Variants in GPM6B observed in about 807,000 individuals in gnomAD.
GPM6B encodes the protein neuronal membrane glycoprotein M6-b.
Under a neutral mutation model 27.2 loss-of-function variants are expected in GPM6B, and 4 were observed. That is an observed-to-expected ratio of 0.15 (90% CI 0.07 to 0.34). The LOEUF (loss-of-function observed/expected upper bound fraction) is 0.34, where lower values mean the gene tolerates loss of function less well. GPM6B is among the 10% of genes least tolerant of loss of function. The pLI is 1.00. For synonymous variants in GPM6B, 124 were observed against 103.1 expected (o/e 1.20, Z -1.23); for missense variants, 183 against 261.9 (o/e 0.70, Z 2.08).
chrX:13,852,892 C>T (rs1399023240), intron 1 of GPM6B, among the ~76,000 whole-genome samples: 4 of 108,984 alleles, frequency 3.7e-5, no homozygotes, highest in Non-Finnish European at 7.6e-5. Flanking sequence ...GTGATCCTCC[C>T]GCCTCAGCCT....
Position 13,777,400 on chromosome X carries a change from G to A in GPM6B, c.723C>T (p.Pro241=), listed in dbSNP as rs141687297. 6.5e-5 allele frequency: 78 copies of A among 1,199,891 alleles called. No homozygotes were observed. Among genetic ancestry groups the A allele is most frequent in the African/African-American group, 1.9e-4 (11 of 56,885 alleles). The change falls in exon 6 of 8, where the codon CCC becomes CCT. Residue 241 remains proline (P), a synonymous_variant. Transcript: ENST00000316715. Reference sequence around the variant, plus strand: ...CCAGGGCAGAGCCACATATTTTTCCGGGGAAAGCATTCCAAGGAATGATAC... The same window carrying A: ...CCAGGGCAGAGCCACATATTTTTCCAGGGAAAGCATTCCAAGGAATGATAC... ...QYGIIPWNAF[P]GKICGSALEN... is the part of the protein sequence containing the mutation.
intron 7 of GPM6B, chrX:13,773,310 CTT>C (rs11305581): frequency 0.027 from 3,454 of 129,629 alleles, no homozygotes; most frequent in East Asian, 0.084. Context: ...CGAGAGGGTG[CTT>C]TTTTTTTTTT....
intron 1 of GPM6B, among the ~76,000 whole-genome samples, chrX:13,863,702 A>C (rs1478233859): frequency 8.9e-6 from 1 of 112,186 alleles, no homozygotes; most frequent in Admixed American, 9.5e-5. Flanking sequence ...ATGATCTCCT[A>C]ATGGGAAATT....
chrX:13,772,923 A>C lies in GPM6B; in HGVS notation c.945T>G (p.Asp315Glu). The C allele has an allele frequency of 8.3e-7, 1 of 1,210,611 alleles. No individual in the cohort carries two copies. Among genetic ancestry groups the C allele is most frequent in the East Asian group, 3.0e-5 (1 of 33,852 alleles). Residue 315 changes from aspartate to glutamate, a missense_variant, in exon 8 of 8, where the codon GAT (aspartate) becomes GAG (glutamate). Asp to Glu is a conservative substitution (Grantham distance 45, BLOSUM62 2). Transcript: ENST00000316715. Reference sequence around the variant, plus strand: ...GTTGTTCTTTTGACCGAGACTGGATATCTTGCAGTTCCTGTTCTTCCTTTG... The same window carrying C: ...GTTGTTCTTTTGACCGAGACTGGATCTCTTGCAGTTCCTGTTCTTCCTTTG... The part of the protein sequence containing the change: ...IKAKEEQELQ[D>E]IQSRSKEQLN...
At chrX:13,921,475 AGAG>A (rs753013948) in intron 1 of GPM6B, among the ~76,000 whole-genome samples, 5 of 111,804 alleles carry the variant, frequency 4.5e-5, no homozygotes, top group Non-Finnish European at 9.4e-5. Context: ...GCTTTATTGA[AGAG>A]GAGATGTTAC....
At chrX:13,785,440 G>A (rs902928392) in intron 3 of GPM6B, among the ~76,000 whole-genome samples, 182 bp downstream of exon 3, 1 of 110,750 alleles carries the variant, frequency 9.0e-6, no homozygotes, top group African/African-American at 3.3e-5. Flanking sequence ...GCACCACCAC[G>A]CCCAGCTAAA....
chrX:13,876,501 C>CA (rs1490038774), intron 1 of GPM6B, among the ~76,000 whole-genome samples: 1 of 111,793 alleles, frequency 8.9e-6, no homozygotes, highest in African/African-American at 3.2e-5. Context: ...GGAGTGGTAC[C>CA]AAAAGCCCTG....
chrX:13,808,465 T>C (rs759500335), intron 1 of GPM6B, among the ~76,000 whole-genome samples: 2 of 112,062 alleles, frequency 1.8e-5, no homozygotes, highest in African/African-American at 6.5e-5. Context: ...GGTAATATGA[T>C]ACAATATTTC....
chrX:13,886,719 TAAAAAAAAAA>T (rs5901522), intron 1 of GPM6B, among the ~76,000 whole-genome samples: 2 of 35,099 alleles, frequency 5.7e-5, no homozygotes, highest in South Asian at 5.7e-3. Context: ...AAGTCACTAC[TAAAAAAAAAA>T]AAAAAAAAAA....
intron 1 of GPM6B, among the ~76,000 whole-genome samples, chrX:13,904,909 G>A (rs1055669938): frequency 9.0e-6 from 1 of 110,569 alleles, no homozygotes; most frequent in Non-Finnish European, 1.9e-5. Context: ...GCTCAGAGCA[G>A]GCTTCCTCCA....
intron 1 of GPM6B, among the ~76,000 whole-genome samples, chrX:13,931,501 A>G (rs1057021271): frequency 9.1e-6 from 1 of 110,323 alleles, no homozygotes; most frequent in African/African-American, 3.3e-5. Context: ...AAAAAAAGAA[A>G]AAAGAAAAAA....
Position 13,816,922 on chromosome X carries a change from C to T in GPM6B, c.-18G>A. 1 of 1,192,792 alleles carries T rather than the reference C, an allele frequency of 8.4e-7. No homozygotes were observed. Among genetic ancestry groups the T allele is most frequent in the Non-Finnish European group, 1.1e-6 (1 of 887,584 alleles). ...GGCTTCATACCATCCACCAAAAATG[C>T]TTTTCCCCCTGTTCCCCCCAACACA... is the stretch of plus-strand genomic sequence containing the variant. On this transcript the variant is annotated 5_prime_UTR_variant, in exon 1 of 8. Coordinates refer to ENST00000316715, the MANE Select transcript of GPM6B (RefSeq NM_001001995.3).
At chrX:13,793,042 C>T (rs2048743646) in intron 2 of GPM6B, among the ~76,000 whole-genome samples, 1 of 108,058 alleles carries the variant, frequency 9.3e-6, no homozygotes, top group South Asian at 4.2e-4. Context: ...GTCAAACATA[C>T]CTCATTATAC....
chrX:13,861,620 G>A (rs770036860), intron 1 of GPM6B, among the ~76,000 whole-genome samples: 15 of 111,737 alleles, frequency 1.3e-4, no homozygotes, highest in Non-Finnish European at 2.8e-4. Flanking sequence ...AAAAGCCGAC[G>A]AATACTATGC....
chrX:13,823,583 G>A (rs913511873), intron 1 of GPM6B, among the ~76,000 whole-genome samples: 1 of 105,108 alleles, frequency 9.5e-6, no homozygotes, highest in African/African-American at 3.5e-5. Context: ...GCAGTGGCAT[G>A]ATCTCGGCTC....
intron 1 of GPM6B, among the ~76,000 whole-genome samples, chrX:13,824,458 T>TC (rs2049348131): frequency 9.0e-6 from 1 of 111,614 alleles, no homozygotes; most frequent in African/African-American, 3.3e-5. Context: ...CTTTCAAATC[T>TC]CCCCAGGTAA....
At position 13,817,072 on chromosome X, in the gene GPM6B, T is replaced by C. The variant is rs927964657; in HGVS notation, c.-168A>G. On this transcript the variant is annotated 5_prime_UTR_variant, in exon 1 of 8. Transcript: ENST00000316715. ...CAGTCCCTTCCAAGATGCAAAAGTCTTGTCAGCGTCAATTTCGCTCTGCCT... is the reference window on the plus strand; with the variant it reads ...CAGTCCCTTCCAAGATGCAAAAGTCCTGTCAGCGTCAATTTCGCTCTGCCT... 9.7e-7 allele frequency: 1 copy of C among 1,028,217 alleles called. No homozygotes were observed. The highest frequency in any genetic ancestry group is 4.6e-5 in the Admixed American group (1 of 21,789). 84.7% of individuals were successfully genotyped at this position (1,028,217 alleles called of 1,213,427 possible).
At chrX:13,803,410 C>T (rs2048959680) in intron 2 of GPM6B, among the ~76,000 whole-genome samples, 1 of 111,309 alleles carries the variant, frequency 9.0e-6, no homozygotes, top group Admixed American at 9.5e-5. Context: ...GCCCTCCTCT[C>T]CCGACATCCT....
upstream of GPM6B, among the ~76,000 whole-genome samples, chrX:13,817,942 T>C (rs912340326): frequency 4.5e-5 from 5 of 112,155 alleles, no homozygotes; most frequent in African/African-American, 1.6e-4. Flanking sequence ...TAATCGGATA[T>C]GGTTATTTCT....
Sources: gnomAD v4.1 joint callset for allele counts (sites outside exome capture counted in the v4.1 genomes callset) on GRCh38, gnomAD v4.1.1 for gene constraint, MANE v1.5 for transcripts, NCBI Gene and HGNC (gene_info 2026-07-23, HGNC 2026-07-21) for gene names.